The following CCPG1 variants were observed in gnomAD, a reference collection of about 807,000 sequenced individuals.
CCPG1 encodes the protein cell cycle progression protein 1.
CCPG1 carries 46 observed loss-of-function variants against 81.3 expected under a neutral mutation model. The observed-to-expected ratio is 0.57, with a 90% CI of 0.45 to 0.72. The LOEUF (loss-of-function observed/expected upper bound fraction) is 0.72, where lower values mean the gene tolerates loss of function less well. CCPG1 is among the 30% of genes least tolerant of loss of function. CCPG1 has a pLI of 0.00. For synonymous variants in CCPG1, 330 were observed against 305.2 expected, an observed-to-expected ratio of 1.08 and a Z score of -0.85; for missense variants, 902 against 937.6, an observed-to-expected ratio of 0.96 and a Z score of 0.50.
At chr15:55,382,265 C>A (rs922405894) in intron 3 of CCPG1, among the ~76,000 whole-genome samples, 5 of 152,156 alleles carry the variant, frequency 3.3e-5, no homozygotes, top group Non-Finnish European at 5.9e-5. Flanking sequence ...TAGCACTTTG[C>A]CCACAGTAGA....
At chr15:55,392,885 A>T (rs1030056137) in intron 1 of CCPG1, among the ~76,000 whole-genome samples, 2 of 152,140 alleles carry the variant, frequency 1.3e-5, no homozygotes, top group African/African-American at 4.8e-5. Context: ...CGGGTAGATC[A>T]TAAGGGCAGG....
Position 55,359,760 on chromosome 15 carries a change from A to G in CCPG1, c.2013T>C (p.Phe671=), listed in dbSNP as rs1453490938. Residue 671 remains phenylalanine (F), a synonymous_variant, in exon 8 of 9, where the codon TTT becomes TTC. Transcript: ENST00000442196. ...ACTGATCAAGTTCGTTCCAGTGACA[A>G]AAAGTATCCAGTTCTTTTAACATGT... ...QRYMLKELDT[F]CHWNELDQFI... 8.1e-6 allele frequency: 13 copies of G among 1,613,506 alleles called. No individual in the cohort carries two copies. The East Asian group carries it at 2.9e-4, about 36-fold the overall frequency.
At chr15:55,373,053 T>A (rs1445900417) in intron 5 of CCPG1, 2 of 531,390 alleles carry the variant, frequency 3.8e-6, no homozygotes, top group Admixed American at 2.0e-5. Context: ...TTAAGGACTA[T>A]TCTGGTGCTG....
chr15:55,396,926 C>G (rs1026341422), intron 1 of CCPG1, among the ~76,000 whole-genome samples: 1 of 152,080 alleles, frequency 6.6e-6, no homozygotes, highest in African/African-American at 2.4e-5. Flanking sequence ...CAAGATAAGC[C>G]GGGCGCGGTG....
chr15:55,372,172 C>A, intron 5 of CCPG1, 128 bp from the exon 6 acceptor site: 1 of 850,994 alleles, frequency 1.2e-6, no homozygotes, highest in Non-Finnish European at 1.8e-6. Context: ...AAACAAAAAC[C>A]AAACAACATA....
intron 6 of CCPG1, among the ~76,000 whole-genome samples, chr15:55,368,499 G>A (rs2056378076): frequency 6.6e-6 from 1 of 152,098 alleles, no homozygotes; most frequent in African/African-American, 2.4e-5. Flanking sequence ...TTATATAATA[G>A]TCTGCCGAAG....
intron 4 of CCPG1, among the ~76,000 whole-genome samples, chr15:55,378,091 A>G (rs549719361): frequency 1.9e-4 from 29 of 152,354 alleles, no homozygotes; most frequent in Non-Finnish European, 4.0e-4. Context: ...CTACTTCCAA[A>G]AAGAATTATA....
rs773081246 is a variant in CCPG1, at chr15:55,360,810, T to C, written c.963A>G (p.Leu321=). The change falls in exon 8 of 9, where the codon TTA becomes TTG. Residue 321 remains leucine, a synonymous_variant. Transcript: ENST00000442196. ...TGTTTAACTCTTCCTGTAATGAGGA[T>C]AAGGCTTTTTCTTCCTTCTCCAAGG... ...RVSLEKEEKA[L]SSLQEELNKL... 7 of 1,612,248 alleles carry C rather than the reference T, an allele frequency of 4.3e-6. No individual in the cohort carries two copies. In the South Asian group the frequency reaches 7.7e-5, roughly 18 times the overall value.
At chr15:55,380,323 T>TC (rs953049135) in intron 3 of CCPG1, among the ~76,000 whole-genome samples, 2 of 150,450 alleles carry the variant, frequency 1.3e-5, no homozygotes, top group African/African-American at 4.9e-5. Flanking sequence ...TGAGACGGAG[T>TC]CCCCCTCTGT....
In CCPG1 at chr15:55,407,402, T is replaced by C. The variant is rs539180172; in HGVS notation, c.-10+819A>G. Reference sequence around the variant, plus strand: ...AATCTTAAAAGATACGATGCAGTAATAGCGATATTTCAAGCACTATCCTGT... The same window carrying C: ...AATCTTAAAAGATACGATGCAGTAACAGCGATATTTCAAGCACTATCCTGT... On this transcript the variant is annotated intron_variant, in intron 1 of 8. Transcript: ENST00000442196. Among the ~76,000 whole-genome samples, 5 of 152,214 alleles carry C rather than the reference T, an allele frequency of 3.3e-5. No individual in the cohort carries two copies. The East Asian group carries it at 9.7e-4, about 29-fold the overall frequency.
At chr15:55,406,938 C>A (rs1161775086) in intron 1 of CCPG1, among the ~76,000 whole-genome samples, 1 of 150,600 alleles carries the variant, frequency 6.6e-6, no homozygotes, top group Non-Finnish European at 1.5e-5. Flanking sequence ...AATTAACGCC[C>A]GCGCGGTGGG....
chr15:55,386,073 C>T (rs1234513205), intron 2 of CCPG1, among the ~76,000 whole-genome samples: 3 of 151,914 alleles, frequency 2.0e-5, no homozygotes, highest in Non-Finnish European at 4.4e-5. Flanking sequence ...CAAGGCACTT[C>T]GCTAGATGCT....
intron 1 of CCPG1, among the ~76,000 whole-genome samples, chr15:55,396,481 T>A (rs2057019611): frequency 6.6e-6 from 1 of 152,190 alleles, no homozygotes. Context: ...TTCTCAAGTG[T>A]TTAACACACA....
intron 2 of CCPG1, among the ~76,000 whole-genome samples, chr15:55,388,312 A>AT (rs2056844804): frequency 6.6e-6 from 1 of 152,180 alleles, no homozygotes; most frequent in African/African-American, 2.4e-5. Flanking sequence ...CAGTGAACAT[A>AT]TATTACTGGT....
intron 1 of CCPG1, among the ~76,000 whole-genome samples, chr15:55,397,079 T>A (rs942777120): frequency 3.3e-5 from 5 of 151,546 alleles, no homozygotes; most frequent in Admixed American, 3.3e-4. Flanking sequence ...CCGGGCGTGG[T>A]AGCGGGCGCC....
chr15:55,378,643 G>T (rs948088453), intron 3 of CCPG1, among the ~76,000 whole-genome samples: 3 of 148,058 alleles, frequency 2.0e-5, no homozygotes, highest in African/African-American at 7.5e-5. Flanking sequence ...TTGCTCTGTT[G>T]CCCAGGCTGG....
chr15:55,401,557 T>C (rs1229866742), intron 1 of CCPG1, among the ~76,000 whole-genome samples: 3 of 151,762 alleles, frequency 2.0e-5, no homozygotes, highest in Non-Finnish European at 2.9e-5. Context: ...ATCCCAGCTA[T>C]TCGGGAGGCT....
Position 55,355,951 on chromosome 15 carries a change from A to G in CCPG1, c.*269T>C. The G allele has an allele frequency of 2.3e-6, 1 of 432,872 alleles. No individual in the cohort carries two copies. The highest frequency in any genetic ancestry group is 4.1e-6 in the Non-Finnish European group (1 of 246,392). The allele number at this position is 432,872 out of a possible 1,614,324, so 26.8% of individuals were successfully genotyped here. On this transcript the variant is annotated 3_prime_UTR_variant, in exon 9 of 9. Transcript: ENST00000442196. Reference sequence around the variant, plus strand: ...GAAAGGAAGTCTCATTTCATGCACAAAATCTGTTGCATGCCTGGCTTCCTT... The same window carrying G: ...GAAAGGAAGTCTCATTTCATGCACAGAATCTGTTGCATGCCTGGCTTCCTT...
At chr15:55,367,717 A>AT (rs2056360810) in intron 6 of CCPG1, among the ~76,000 whole-genome samples, 1 of 152,060 alleles carries the variant, frequency 6.6e-6, no homozygotes, top group Non-Finnish European at 1.5e-5. Flanking sequence ...CTTACCATCT[A>AT]TTTATCATCT....
Sources: gnomAD v4.1 joint callset for allele counts (sites outside exome capture counted in the v4.1 genomes callset) on GRCh38, gnomAD v4.1.1 for gene constraint, MANE v1.5 for transcripts, NCBI Gene and HGNC (gene_info 2026-07-23, HGNC 2026-07-21) for gene names.